Variants in APPL2 observed in about 807,000 individuals in gnomAD.
APPL2 encodes the protein adaptor protein, phosphotyrosine interacting with PH domain and leucine zipper 2.
APPL2 carries 84 observed loss-of-function variants against 92.7 expected under a neutral mutation model. The observed-to-expected ratio is 0.91, with a 90% CI of 0.76 to 1.09. APPL2 has a LOEUF of 1.09. Among genes scored for constraint, APPL2 ranks in the 50% least tolerant of loss-of-function variants. APPL2 has a pLI of 0.00. For synonymous variants in APPL2, 291 were observed against 291.0 expected (o/e 1.00, Z 0.00); for missense variants, 736 against 824.5 (o/e 0.89, Z 1.31).
intron 9 of APPL2, among the ~76,000 whole-genome samples, chr12:105,200,282 T>C (rs761639923): frequency 2.4e-4 from 37 of 152,196 alleles, no homozygotes; most frequent in Non-Finnish European, 4.4e-4. Context: ...AGGAATGAAA[T>C]GGTAGTCATG....
chr12:105,221,408 A>G (rs1890094349), intron 2 of APPL2, among the ~76,000 whole-genome samples: 1 of 152,224 alleles, frequency 6.6e-6, no homozygotes, highest in African/African-American at 2.4e-5. Context: ...TAAGCTTCAG[A>G]AAGGATAAAT....
chr12:105,176,277 T>C (rs1225471694), intron 19 of APPL2, 195 bp from the exon 20 acceptor site: 2 of 557,682 alleles, frequency 3.6e-6, no homozygotes, highest in Non-Finnish European at 6.2e-6. Flanking sequence ...GTTGCCAATT[T>C]ATGCCACACA....
chr12:105,202,633 G>T (rs1888313167), intron 9 of APPL2, among the ~76,000 whole-genome samples: 1 of 152,030 alleles, frequency 6.6e-6, no homozygotes, highest in East Asian at 1.9e-4. Context: ...ACATTCCCAG[G>T]GGCTAAGAAC....
At chr12:105,189,926 G>A (rs958568591) in intron 15 of APPL2, 65 bp downstream of exon 15, 19 of 1,610,746 alleles carry the variant, frequency 1.2e-5, no homozygotes, top group Non-Finnish European at 1.5e-5. Flanking sequence ...TGGTGGTGGA[G>A]GGGGACACAA....
chr12:105,213,835 T>A (rs1392680601), intron 4 of APPL2, among the ~76,000 whole-genome samples: 1 of 152,234 alleles, frequency 6.6e-6, no homozygotes, highest in Non-Finnish European at 1.5e-5. Flanking sequence ...TCAAAAGGTT[T>A]GTTTGAAAAC....
chr12:105,225,346 A>G (rs958101386), intron 2 of APPL2, among the ~76,000 whole-genome samples: 1 of 152,144 alleles, frequency 6.6e-6, no homozygotes, highest in African/African-American at 2.4e-5. Flanking sequence ...TCTCAGTACA[A>G]CAGCTGAGAG....
intron 5 of APPL2, among the ~76,000 whole-genome samples, chr12:105,210,196 G>A (rs986547932): frequency 1.3e-5 from 2 of 152,114 alleles, no homozygotes; most frequent in South Asian, 2.1e-4. Flanking sequence ...TCCTGACCTA[G>A]TGATCCGCCC....
At chr12:105,184,235 A>T (rs1886390023) in intron 17 of APPL2, among the ~76,000 whole-genome samples, 1 of 152,028 alleles carries the variant, frequency 6.6e-6, no homozygotes, top group Non-Finnish European at 1.5e-5. Context: ...GTTTGTTATT[A>T]CTCACCTTCT....
intron 9 of APPL2, among the ~76,000 whole-genome samples, chr12:105,199,859 C>T (rs2135976966): frequency 1.3e-5 from 2 of 151,956 alleles, no homozygotes; most frequent in Middle Eastern, 6.8e-3. Context: ...CGCTCTGTCG[C>T]CCAGGCTGGA....
At chr12:105,194,565 C>T (rs377456627) in intron 14 of APPL2, among the ~76,000 whole-genome samples, 10 of 152,172 alleles carry the variant, frequency 6.6e-5, no homozygotes, top group African/African-American at 2.4e-4. Context: ...GTGGTGGGCG[C>T]CTGTAATCCC....
In APPL2 at chr12:105,174,882, G is replaced by GGC. The variant is rs1181152422; in HGVS notation, c.1861-435_1861-434insGC. Among the ~76,000 whole-genome samples the GGC allele has an allele frequency of 1.8e-5, 2 of 108,214 alleles. 1 individual carries two copies. The highest frequency in any genetic ancestry group is 8.2e-5 in the African/African-American group (2 of 24,336). 71.0% of individuals were successfully genotyped at this position (108,214 alleles called of 152,430 possible). A position where few individuals can be genotyped will look rare whatever the true frequency, so the allele number is the denominator to read the frequency against. Reference sequence around the variant, plus strand: ...TGCTGCTGCTTTTTTTTGGTGGGGGGGGGGGTGGTGCGGCGGTTGGAGACA... The same window carrying GGC: ...TGCTGCTGCTTTTTTTTGGTGGGGGGGCGGGGGTGGTGCGGCGGTTGGAGACA... On this transcript the variant is annotated intron_variant, in intron 20 of 20. Transcript: ENST00000258530.
chr12:105,217,132 A>C lies in APPL2; in HGVS notation c.222T>G (p.Ala74=), dbSNP rs909695291. 6 of 1,608,624 alleles carry C rather than the reference A, an allele frequency of 3.7e-6. No individual in the cohort carries two copies. The Admixed American group carries it at 8.4e-5, about 23-fold the overall frequency. ...TTACTTCTTCATCACCTTTGCCAAG[A>C]GCAAAGTTCTAAGACCAAAGAATAA... The part of the protein sequence containing the change: ...QLLAYEKQNF[A]LGKGDEEVIS... Residue 74 remains alanine, a synonymous_variant, in exon 4 of 21, where the codon GCT becomes GCG. Transcript: ENST00000258530.
chr12:105,180,415 C>G (rs1885998804), intron 17 of APPL2, among the ~76,000 whole-genome samples: 1 of 152,172 alleles, frequency 6.6e-6, no homozygotes, highest in East Asian at 1.9e-4. Context: ...AGCATGATAC[C>G]TCCAGCTTTG....
intron 19 of APPL2, chr12:105,176,523 G>T (rs1436112785): frequency 2.4e-6 from 1 of 413,924 alleles, no homozygotes; most frequent in African/African-American, 2.1e-5. Flanking sequence ...ATCTTCCTTG[G>T]TTTTCTCTCT....
At chr12:105,235,814 G>A (rs1459690072) in intron 1 of APPL2, 145 bp downstream of exon 1, 2 of 539,900 alleles carry the variant, frequency 3.7e-6, no homozygotes, top group Non-Finnish European at 5.5e-6. Flanking sequence ...TCCTCAGCCC[G>A]AGAGAACCCG....
intron 17 of APPL2, among the ~76,000 whole-genome samples, chr12:105,178,252 T>C (rs1020020351): frequency 1.3e-5 from 2 of 152,336 alleles, no homozygotes; most frequent in Admixed American, 1.3e-4. Flanking sequence ...CATGCTATTA[T>C]GTAAATTATT....
intron 2 of APPL2, among the ~76,000 whole-genome samples, chr12:105,228,312 G>T (rs111360010): frequency 1.3e-5 from 2 of 152,136 alleles, no homozygotes; most frequent in South Asian, 4.1e-4. Context: ...GCTCCAATGA[G>T]CATTTCGTTT....
intron 17 of APPL2, among the ~76,000 whole-genome samples, chr12:105,178,612 T>C (rs1885784231): frequency 6.6e-6 from 1 of 152,188 alleles, no homozygotes; most frequent in Admixed American, 6.5e-5. Context: ...ACCGTAAGAC[T>C]TATAATCAGA....
chr12:105,233,340 T>C (rs1375273322), intron 1 of APPL2: 2 of 985,384 alleles, frequency 2.0e-6, no homozygotes, highest in Non-Finnish European at 2.4e-6. Context: ...CCTAAAATGT[T>C]CAGCTTCCCA....
Sources: gnomAD v4.1 joint callset for allele counts (sites outside exome capture counted in the v4.1 genomes callset) on GRCh38, gnomAD v4.1.1 for gene constraint, MANE v1.5 for transcripts, NCBI Gene and HGNC (gene_info 2026-07-23, HGNC 2026-07-21) for gene names.